Variants in SEMA5A observed in about 807,000 individuals in gnomAD.
SEMA5A encodes semaphorin 5A.
A neutral mutation model predicts 135.5 loss-of-function variants in SEMA5A; 55 were observed. The ratio of observed to expected loss-of-function variants is 0.41; its 90% CI spans 0.33 to 0.51. The LOEUF is 0.51. Ranked by LOEUF, SEMA5A falls within the 20% of genes least tolerant of loss-of-function variation. The pLI is 0.37. For missense variants in SEMA5A, 1,290 were observed against 1,419.9 expected (o/e 0.91, Z 1.47); for synonymous variants, 580 against 546.5 (o/e 1.06, Z -0.85).
chr5:9,145,962 T>G (rs1742312323), intron 12 of SEMA5A, among the ~76,000 whole-genome samples: 1 of 152,162 alleles, frequency 6.6e-6, no homozygotes, highest in Admixed American at 6.5e-5. Flanking sequence ...AAACTTTTTC[T>G]TTCTGATATC....
intron 5 of SEMA5A, among the ~76,000 whole-genome samples, chr5:9,279,426 T>C (rs913583612): frequency 3.3e-5 from 5 of 152,294 alleles, no homozygotes; most frequent in African/African-American, 1.2e-4. Context: ...TTGTGTCAGA[T>C]GTGACTTTGG....
chr5:9,503,102 C>G (rs1735678972), intron 1 of SEMA5A, among the ~76,000 whole-genome samples: 1 of 150,784 alleles, frequency 6.6e-6, no homozygotes, highest in Admixed American at 6.7e-5. Flanking sequence ...TCTGGCTTCT[C>G]CAGTATTGAA....
intron 3 of SEMA5A, among the ~76,000 whole-genome samples, chr5:9,374,949 T>A (rs933470770): frequency 1.3e-5 from 2 of 152,098 alleles, no homozygotes; most frequent in African/African-American, 4.8e-5. Context: ...GCTTAAACAA[T>A]CATCTCCCCT....
At chr5:9,221,058 C>A (rs1746922911) in intron 8 of SEMA5A, among the ~76,000 whole-genome samples, 1 of 152,108 alleles carries the variant, frequency 6.6e-6, no homozygotes, top group Admixed American at 6.5e-5. Flanking sequence ...GCAGGAAGAC[C>A]TACGCCTTCA....
chr5:9,095,853 A>C (rs1739285317), intron 16 of SEMA5A, among the ~76,000 whole-genome samples: 1 of 152,246 alleles, frequency 6.6e-6, no homozygotes, highest in African/African-American at 2.4e-5. Flanking sequence ...ACATATTTTG[A>C]AAGTCTCTGG....
intron 18 of SEMA5A, among the ~76,000 whole-genome samples, chr5:9,061,412 A>G (rs1327506991): frequency 6.6e-6 from 1 of 152,106 alleles, no homozygotes; most frequent in East Asian, 1.9e-4. Context: ...GCCATGAGTG[A>G]GACCAGGCCA....
intron 11 of SEMA5A, among the ~76,000 whole-genome samples, chr5:9,180,990 C>T (rs1744478592): frequency 6.6e-6 from 1 of 152,170 alleles, no homozygotes; most frequent in Non-Finnish European, 1.5e-5. Context: ...AGATACTCCT[C>T]TGTACTTAAA....
chr5:9,386,858 G>A (rs951529527), intron 2 of SEMA5A, among the ~76,000 whole-genome samples: 1 of 152,216 alleles, frequency 6.6e-6, no homozygotes, highest in Non-Finnish European at 1.5e-5. Context: ...CAGAGCTAGT[G>A]TCCTATGGAC....
chr5:9,185,604 T>C (rs1190359379), intron 11 of SEMA5A, among the ~76,000 whole-genome samples: 1 of 152,212 alleles, frequency 6.6e-6, no homozygotes, highest in Non-Finnish European at 1.5e-5. Flanking sequence ...AAAATATATT[T>C]ATTGAGATAT....
chr5:9,174,864 A>G (rs1404871009), intron 11 of SEMA5A, among the ~76,000 whole-genome samples: 1 of 152,242 alleles, frequency 6.6e-6, no homozygotes, highest in Non-Finnish European at 1.5e-5. Context: ...AGACTACATC[A>G]TAATAGGAAG....
chr5:9,051,829 T>C (rs764245489), intron 20 of SEMA5A, 44 bp downstream of exon 20: 1 of 1,609,602 alleles, frequency 6.2e-7, no homozygotes, highest in Admixed American at 1.7e-5. Flanking sequence ...TCTCTCCATG[T>C]TGGAAATGAT....
chr5:9,138,777 T>C (rs1268785568), intron 12 of SEMA5A, among the ~76,000 whole-genome samples: 1 of 152,136 alleles, frequency 6.6e-6, no homozygotes, highest in African/African-American at 2.4e-5. Context: ...TGCCCCTGAG[T>C]CCCCAAAGTC....
In SEMA5A at chr5:9,036,478, G is replaced by A. The variant is rs143952769; in HGVS notation, c.*6419C>T. 2 of 152,292 alleles carry A rather than the reference G, an allele frequency of 1.3e-5. No homozygotes were observed. The highest frequency in any genetic ancestry group is 4.8e-5 in the African/African-American group (2 of 41,542). The allele number at this position is 152,292 out of a possible 1,614,324, so 9.4% of individuals were successfully genotyped here. ...TCCTCTATCTATGGACTTGCCTGAA[G>A]AGAAACAGAAACAAAAACCTCTAAC... On this transcript the variant is annotated 3_prime_UTR_variant, in exon 23 of 23. Coordinates refer to ENST00000382496, the MANE Select transcript of SEMA5A (RefSeq NM_003966.3).
chr5:9,133,965 G>A (rs539817049), intron 13 of SEMA5A, among the ~76,000 whole-genome samples: 1 of 152,066 alleles, frequency 6.6e-6, no homozygotes, highest in East Asian at 1.9e-4. Context: ...CTGTTTTCCT[G>A]ATAGTGAGGG....
intron 1 of SEMA5A, among the ~76,000 whole-genome samples, chr5:9,506,337 G>T (rs1735877843): frequency 6.6e-6 from 1 of 152,136 alleles, no homozygotes; most frequent in Non-Finnish European, 1.5e-5. Context: ...GATCTAATAA[G>T]ATATTAAACA....
intron 12 of SEMA5A, among the ~76,000 whole-genome samples, chr5:9,154,062 AATATAT>A (rs1553993746): frequency 0.12 from 7,794 of 66,750 alleles, 769 homozygotes; most frequent in Non-Finnish European, 0.19. Flanking sequence ...AAAAAAAAAA[AATATAT>A]ATATATATAT....
chr5:9,044,350 C>A (rs1170777966), intron 22 of SEMA5A, 23 bp downstream of exon 22: 1 of 1,594,672 alleles, frequency 6.3e-7, no homozygotes, highest in African/African-American at 1.3e-5. Flanking sequence ...AGGCACTTAG[C>A]AGAAATATTA....
Position 9,107,752 on chromosome 5 carries a change from T to C in SEMA5A, c.2073+388A>G, listed in dbSNP as rs117690807. Among the ~76,000 whole-genome samples the C allele has an allele frequency of 5.9e-5, 9 of 152,142 alleles. No homozygotes were observed. In the East Asian group the frequency reaches 1.7e-3, roughly 29 times the overall value. On this transcript the variant is annotated intron_variant, in intron 16 of 22. Coordinates refer to ENST00000382496, the MANE Select transcript of SEMA5A (RefSeq NM_003966.3). The stretch of plus-strand genomic sequence containing the variant: ...GTGTAGAGAATCGAGTACTTGACCA[T>C]GTTGTGTTTACAGAGCACTCAGTGG...
At chr5:9,126,337 A>G (rs1280282204) in intron 13 of SEMA5A, among the ~76,000 whole-genome samples, 1 of 152,130 alleles carries the variant, frequency 6.6e-6, no homozygotes, top group African/African-American at 2.4e-5. Context: ...CCTGAGCCCA[A>G]GGTCACAAGA....
Sources: gnomAD v4.1 joint callset for allele counts (sites outside exome capture counted in the v4.1 genomes callset) on GRCh38, gnomAD v4.1.1 for gene constraint, MANE v1.5 for transcripts, NCBI Gene and HGNC (gene_info 2026-07-23, HGNC 2026-07-21) for gene names.